The following KIFC3 variants were observed in gnomAD, a reference collection of about 807,000 sequenced individuals.
KIFC3 encodes the protein kinesin family member C3.
In KIFC3, 60 loss-of-function variants were observed where a neutral mutation model predicts 101.8. The ratio of observed to expected loss-of-function variants is 0.59; its 90% CI spans 0.48 to 0.73. The LOEUF (loss-of-function observed/expected upper bound fraction) is 0.73, where lower values mean the gene tolerates loss of function less well. Ranked by LOEUF, KIFC3 falls within the 30% of genes least tolerant of loss-of-function variation. The pLI is 0.00. For synonymous variants in KIFC3, 476 were observed against 482.7 expected (o/e 0.99, Z 0.18); for missense variants, 966 against 1,137.1 (o/e 0.85, Z 2.16).
intron 1 of KIFC3, among the ~76,000 whole-genome samples, chr16:57,856,489 GAGGGAGGGAGGGAGGGAGGAAGGA>G (rs2056170558): frequency 8.6e-6 from 1 of 116,212 alleles, no homozygotes; most frequent in Non-Finnish European, 1.9e-5. Flanking sequence ...GGAAAGAAGG[GAGGGAGGGAGGGAGGGAGGAAGGA>G]AGGGAGGGAA....
intron 14 of KIFC3, 86 bp from the exon 15 acceptor site, chr16:57,761,257 C>T: frequency 6.3e-7 from 1 of 1,583,520 alleles, no homozygotes; most frequent in Non-Finnish European, 8.6e-7. Flanking sequence ...TGAGGAGTGG[C>T]ACCACCCTCC....
chr16:57,802,309 G>T lies in KIFC3; in HGVS notation c.-40+61C>A. 1.1e-6 allele frequency: 1 copy of T among 873,658 alleles called. No individual in the cohort carries two copies. The highest frequency in any genetic ancestry group is 1.4e-6 in the Non-Finnish European group (1 of 728,412). The allele number at this position is 873,658 out of a possible 1,614,324, so 54.1% of individuals were successfully genotyped here. ...CCGGCCCGGACGCGGCGCCCCAAAC[G>T]GCGGGCCGGGCAGAGCCCAGCGCCC... On this transcript the variant is annotated intron_variant, in intron 1 of 19. Transcript: ENST00000445690. This position sits in a 1 kb window ranked among gnomAD's most constrained non-coding sequence, Gnocchi z 5.0.
At chr16:57,759,508 C>T in intron 18 of KIFC3, 1 of 580,220 alleles carries the variant, frequency 1.7e-6, no homozygotes, top group Non-Finnish European at 3.1e-6. Context: ...CCTTACACTG[C>T]CCCCTTCCCA....
intron 1 of KIFC3, among the ~76,000 whole-genome samples, chr16:57,861,490 A>C (rs879460760): frequency 6.6e-6 from 1 of 152,176 alleles, no homozygotes; most frequent in Admixed American, 6.5e-5. Context: ...TCAATCTCAT[A>C]AATGAAACAA....
At chr16:57,786,359 C>T (rs1285060133) in intron 3 of KIFC3, among the ~76,000 whole-genome samples, 2 of 152,188 alleles carry the variant, frequency 1.3e-5, no homozygotes, top group Non-Finnish European at 2.9e-5. Flanking sequence ...TCACCAGGAA[C>T]GAGAGAGATG....
At chr16:57,764,842 TG>T (rs2050279064) in intron 11 of KIFC3, among the ~76,000 whole-genome samples, 1 of 118,544 alleles carries the variant, frequency 8.4e-6, no homozygotes, top group African/African-American at 3.3e-5. Context: ...TGGGAGGGGC[TG>T]TGATGGTGGG....
rs1480046059 is a variant in KIFC3, at chr16:57,797,407, C to T, written c.172+665G>A. ...CGCGGCCCCGCCAATCCAGTCCCGG[C>T]CCTGAATCAGAGAAGCCGCTCACTT... On this transcript the variant is annotated intron_variant, in intron 2 of 19. Transcript: ENST00000445690. Among the ~76,000 whole-genome samples the T allele has an allele frequency of 5.9e-5, 9 of 152,222 alleles. No individual in the cohort carries two copies. In the East Asian group the frequency reaches 1.2e-3, roughly 20 times the overall value.
Position 57,758,445 on chromosome 16 carries a change from T to C in KIFC3, c.*489A>G. On this transcript the variant is annotated 3_prime_UTR_variant, in exon 20 of 20. Coordinates refer to ENST00000445690, the MANE Select transcript of KIFC3 (RefSeq NM_001130100.2). ...CACCCCCCAGCTGCGGGAACCCTCC[T>C]TGAAGGAGAGGGGCGGGGAGGGCTG... 3 of 376,742 alleles carry C rather than the reference T, an allele frequency of 8.0e-6. No homozygotes were observed. Among genetic ancestry groups the C allele is most frequent in the South Asian group, 6.2e-5 (3 of 48,602 alleles). 23.3% of individuals were successfully genotyped at this position (376,742 alleles called of 1,614,324 possible).
At chr16:57,862,774 G>A in exon 1 of KIFC3, 1 of 1,289,630 alleles carries the variant, frequency 7.8e-7, no homozygotes, top group South Asian at 1.2e-5. Flanking sequence ...GGGTTTCCTG[G>A]TGTCTGGGCT....
chr16:57,813,944 A>G, intron 1 of KIFC3: 2 of 767,060 alleles, frequency 2.6e-6, no homozygotes, highest in Non-Finnish European at 3.2e-6. Context: ...ACTCCTGCTT[A>G]TTCTTCCTGT....
chr16:57,837,416 C>T (rs2055708341), intron 1 of KIFC3, among the ~76,000 whole-genome samples: 1 of 150,866 alleles, frequency 6.6e-6, no homozygotes, highest in African/African-American at 2.4e-5. Context: ...TGCAGTGAGC[C>T]AAGATCATGC....
At position 57,813,761 on chromosome 16, in the gene KIFC3, G is replaced by A. The variant is rs551622166; in HGVS notation, c.109-15479C>T. On this transcript the variant is annotated intron_variant, in intron 1 of 2. Transcript: ENST00000563028. ...GGCATCCTCACAGCCTCTGCAGCAC[G>A]TGCCTTCAGAGGGAAGAGAACCGGG... The A allele has an allele frequency of 2.0e-5, 20 of 984,842 alleles. No homozygotes were observed. In the African/African-American group the frequency reaches 2.6e-4, roughly 13 times the overall value. 61.0% of individuals were successfully genotyped at this position (984,842 alleles called of 1,614,324 possible). A position where few individuals can be genotyped will look rare whatever the true frequency, so the allele number is the denominator to read the frequency against.
At chr16:57,787,392 T>C (rs2053442911) in intron 3 of KIFC3, among the ~76,000 whole-genome samples, 2 of 152,316 alleles carry the variant, frequency 1.3e-5, no homozygotes, top group African/African-American at 4.8e-5. Context: ...AGAGCCCAGC[T>C]CATCCAGAAC....
chr16:57,816,100 A>G, intron 1 of KIFC3: 3 of 883,548 alleles, frequency 3.4e-6, no homozygotes, highest in South Asian at 3.4e-5. Context: ...ATGTGGTCAA[A>G]TCCTCTTACC....
chr16:57,765,675 C>A, intron 10 of KIFC3, 35 bp from the exon 11 acceptor site: 3 of 1,573,876 alleles, frequency 1.9e-6, no homozygotes, highest in East Asian at 2.3e-5. Flanking sequence ...TGGGTCCAGG[C>A]CATGTCAAGA....
chr16:57,759,498 C>T, intron 18 of KIFC3: 1 of 582,044 alleles, frequency 1.7e-6, no homozygotes, highest in Admixed American at 3.2e-5. Flanking sequence ...GCTGGGGTCT[C>T]CTTACACTGC....
chr16:57,761,974 T>C (rs1363423726), intron 13 of KIFC3, among the ~76,000 whole-genome samples, 166 bp downstream of exon 13: 1 of 151,966 alleles, frequency 6.6e-6, no homozygotes, highest in African/African-American at 2.4e-5. Flanking sequence ...AAGACCCCAC[T>C]TCCTATCCCC....
intron 1 of KIFC3, among the ~76,000 whole-genome samples, chr16:57,839,059 G>A (rs1250372098): frequency 6.6e-6 from 1 of 152,146 alleles, no homozygotes; most frequent in African/African-American, 2.4e-5. Context: ...TGGGCACAGT[G>A]GCTCACGCCT....
Position 57,791,635 on chromosome 16 carries a change from G to A in KIFC3, c.315+3364C>T, listed in dbSNP as rs540031530. On this transcript the variant is annotated intron_variant, in intron 3 of 19. Coordinates refer to ENST00000445690, the MANE Select transcript of KIFC3 (RefSeq NM_001130100.2). The stretch of plus-strand genomic sequence containing the variant: ...ATGTGAACGTGGAAGCTAGTTGCTG[G>A]TGCCAGCGTCCCAGAGATCTTCAGT... 1.4e-4 allele frequency among the ~76,000 whole-genome samples: 21 copies of A among 152,248 alleles called. No homozygotes were observed. In the East Asian group the frequency reaches 2.9e-3, roughly 21 times the overall value.
Sources: allele counts gnomAD v4.1 joint callset (sites outside exome capture counted in the v4.1 genomes callset), GRCh38; gene constraint gnomAD v4.1.1; non-coding constraint Gnocchi (gnomAD v3.1); transcripts MANE v1.5; gene names NCBI Gene and HGNC (gene_info 2026-07-23, HGNC 2026-07-21).